Variants in KIRREL3 observed in about 807,000 individuals in gnomAD.
The protein encoded by KIRREL3 is kin of IRRE-like protein 3.
KIRREL3 carries 36 observed loss-of-function variants against 89.7 expected under a neutral mutation model. The ratio of observed to expected loss-of-function variants is 0.40; its 90% CI spans 0.31 to 0.53. KIRREL3 has a LOEUF of 0.53. KIRREL3 is among the 20% of genes least tolerant of loss of function. The pLI is 0.49. For synonymous variants in KIRREL3, 445 were observed against 441.4 expected, an observed-to-expected ratio of 1.01 and a Z score of -0.10; for missense variants, 864 against 1,056.6, an observed-to-expected ratio of 0.82 and a Z score of 2.53.
intron 1 of KIRREL3, among the ~76,000 whole-genome samples, chr11:126,741,976 C>T (rs753438547): frequency 1.3e-5 from 2 of 152,190 alleles, no homozygotes; most frequent in Admixed American, 6.5e-5. Flanking sequence ...CAGCATTTCA[C>T]TAGCAGAGAA....
Position 126,916,196 on chromosome 11 carries a change from A to G in KIRREL3, c.55+84259T>C, listed in dbSNP as rs185648508. Reference sequence around the variant, plus strand: ...ATGAGCCCAGATATGGAATAACTTAAGATCTTATGGCTGGTCAGTGGTAAA... The same window carrying G: ...ATGAGCCCAGATATGGAATAACTTAGGATCTTATGGCTGGTCAGTGGTAAA... On this transcript the variant is annotated intron_variant, in intron 1 of 16. Transcript: ENST00000525144. Among the ~76,000 whole-genome samples, 3 of 152,346 alleles carry G rather than the reference A, an allele frequency of 2.0e-5. No individual in the cohort carries two copies. In the East Asian group the frequency reaches 5.8e-4, roughly 29 times the overall value.
chr11:126,770,286 T>C (rs77767485), intron 1 of KIRREL3, among the ~76,000 whole-genome samples: 7,288 of 152,220 alleles, frequency 0.048, 243 homozygotes, highest in Middle Eastern at 0.088. Flanking sequence ...AGATCATAAA[T>C]TGATTTTCAC....
chr11:126,546,140 T>C (rs2134511492), intron 2 of KIRREL3, among the ~76,000 whole-genome samples: 1 of 152,360 alleles, frequency 6.6e-6, no homozygotes, highest in South Asian at 2.1e-4. Flanking sequence ...GATTGGCACA[T>C]AGTAGATGTT....
chr11:126,833,068 T>A (rs978906191), intron 1 of KIRREL3, among the ~76,000 whole-genome samples: 5 of 152,188 alleles, frequency 3.3e-5, no homozygotes, highest in Non-Finnish European at 7.3e-5. Context: ...ACTGCTGTTA[T>A]CCTCATAATA....
At chr11:126,433,262 G>A (rs1189487906) in intron 13 of KIRREL3, among the ~76,000 whole-genome samples, 2 of 152,194 alleles carry the variant, frequency 1.3e-5, no homozygotes, top group Non-Finnish European at 2.9e-5. Context: ...GTCAGTGTGG[G>A]CGAGTGGGGA....
In KIRREL3 at chr11:126,449,025, G is replaced by A; in HGVS notation, c.981C>T (p.Arg327=). 4.3e-6 allele frequency: 7 copies of A among 1,612,386 alleles called. No homozygotes were observed. Among genetic ancestry groups the A allele is most frequent in the Non-Finnish European group, 4.2e-6 (5 of 1,178,652 alleles). The change falls in exon 8 of 17, where the codon CGC becomes CGT. Residue 327 remains arginine (R), a synonymous_variant. Coordinates refer to ENST00000525144, the MANE Select transcript of KIRREL3 (RefSeq NM_032531.4). ...TNALGSTNLS[R]TVDVYFGPRM... is the part of the protein sequence containing the mutation. ...TGCACTCACAGTAGACGTCAACCGT[G>A]CGGCTGAGGTTGGTGCTGCCCAGGG...
intron 4 of KIRREL3, among the ~76,000 whole-genome samples, chr11:126,512,068 TG>T (rs994964253): frequency 6.6e-6 from 1 of 152,224 alleles, no homozygotes; most frequent in African/African-American, 2.4e-5. Context: ...GCTCTGGCTC[TG>T]TTCCTCCTCC....
intron 1 of KIRREL3, among the ~76,000 whole-genome samples, chr11:126,800,355 T>C (rs989969516): frequency 6.6e-6 from 1 of 152,158 alleles, no homozygotes. Flanking sequence ...TGGGGAAAGA[T>C]AGGTTCTCAC....
In KIRREL3 at chr11:126,475,781, G is replaced by T. The variant is rs1253060069; in HGVS notation, c.434-2315C>A. Among the ~76,000 whole-genome samples the T allele has an allele frequency of 1.3e-5, 2 of 152,256 alleles. No individual in the cohort carries two copies. The highest frequency in any genetic ancestry group is 2.9e-5 in the Non-Finnish European group (2 of 68,044). On this transcript the variant is annotated intron_variant, in intron 4 of 16. Coordinates refer to ENST00000525144, the MANE Select transcript of KIRREL3 (RefSeq NM_032531.4). This position sits in a 1 kb window ranked among gnomAD's most constrained non-coding sequence, Gnocchi z 7.5. Reference sequence around the variant, plus strand: ...GAGGCGGCTCAGGGCTTTCCACCAAGTGGGGGTGGGTGCAACCACTTGTGG... The same window carrying T: ...GAGGCGGCTCAGGGCTTTCCACCAATTGGGGGTGGGTGCAACCACTTGTGG...
chr11:126,919,961 T>C (rs1947203347), intron 1 of KIRREL3, among the ~76,000 whole-genome samples: 1 of 152,196 alleles, frequency 6.6e-6, no homozygotes, highest in East Asian at 1.9e-4. Flanking sequence ...GCTAATTGTG[T>C]GCCATTTATT....
At position 126,703,138 on chromosome 11, in the gene KIRREL3, G is replaced by A. The variant is rs1211598632; in HGVS notation, c.56-140226C>T. 1.3e-5 allele frequency among the ~76,000 whole-genome samples: 2 copies of A among 152,226 alleles called. No homozygotes were observed. Among genetic ancestry groups the A allele is most frequent in the African/African-American group, 2.4e-5 (1 of 41,460 alleles). On this transcript the variant is annotated intron_variant, in intron 1 of 16. Transcript: ENST00000525144. The surrounding 1 kb of genome is among the most constrained non-coding windows in gnomAD (Gnocchi z 4.6). ...GGTGGGGGTGGCTGGGCTGGGGCAGGAGACACTGTAAAGAGCCAGTAGGCC... is the reference window on the plus strand; with the variant it reads ...GGTGGGGGTGGCTGGGCTGGGGCAGAAGACACTGTAAAGAGCCAGTAGGCC...
At chr11:126,670,018 C>T (rs1053996831) in intron 1 of KIRREL3, among the ~76,000 whole-genome samples, 4 of 152,152 alleles carry the variant, frequency 2.6e-5, no homozygotes, top group Admixed American at 2.0e-4. Context: ...TTCCTTCTCC[C>T]AGCACATTCC....
In KIRREL3 at chr11:126,538,129, G is replaced by A. The variant is rs113898190; in HGVS notation, c.134-11442C>T. On this transcript the variant is annotated intron_variant, in intron 2 of 16. Transcript: ENST00000525144. ...CATTAGAAACCTGCATGGGTGGTGC[G>A]GGAGACAGTGGGTGAGCCCTCCCAT... 7.3e-4 allele frequency among the ~76,000 whole-genome samples: 109 copies of A among 149,438 alleles called. 2 individuals carry two copies. The highest frequency in any genetic ancestry group is 4.1e-3 in the South Asian group (19 of 4,636).
chr11:126,786,445 A>T (rs78754314), intron 1 of KIRREL3, among the ~76,000 whole-genome samples: 5,666 of 152,278 alleles, frequency 0.037, 340 homozygotes, highest in African/African-American at 0.13. Flanking sequence ...TGTTTCCTAA[A>T]GCAATTAATA....
rs1229773425 is a variant in KIRREL3, at chr11:126,989,699, GACGAAGTCTTAGGGCCAACAGGGGA to G, written c.55+10731_55+10755del. 1.3e-5 allele frequency among the ~76,000 whole-genome samples: 2 copies of G among 152,292 alleles called. No individual in the cohort carries two copies. Among genetic ancestry groups the G allele is most frequent in the East Asian group, 1.9e-4 (1 of 5,160 alleles). ...TCCCCTTGGAGGTAAAGAAAGGCAT[GACGAAGTCTTAGGGCCAACAGGGGA>G]ACGAAGTCTTAGGGCCAACAGGGTT... On this transcript the variant is annotated intron_variant, in intron 1 of 16. Coordinates refer to ENST00000525144, the MANE Select transcript of KIRREL3 (RefSeq NM_032531.4). The surrounding 1 kb of genome is among the most constrained non-coding windows in gnomAD (Gnocchi z 6.2).
In KIRREL3 at chr11:126,607,782, G is replaced by A. The variant is rs556820634; in HGVS notation, c.56-44870C>T. On this transcript the variant is annotated intron_variant, in intron 1 of 16. Coordinates refer to ENST00000525144, the MANE Select transcript of KIRREL3 (RefSeq NM_032531.4). The surrounding 1 kb of genome is among the most constrained non-coding windows in gnomAD (Gnocchi z 6.6). Reference sequence around the variant, plus strand: ...AGTCCTAATGATTTGCTGAAGGGCCGAGTTGCTTAGCCCTGCAGGGTACAC... The same window carrying A: ...AGTCCTAATGATTTGCTGAAGGGCCAAGTTGCTTAGCCCTGCAGGGTACAC... Among the ~76,000 whole-genome samples the A allele has an allele frequency of 3.9e-5, 6 of 152,274 alleles. No individual in the cohort carries two copies. The South Asian group carries it at 1.2e-3, about 32-fold the overall frequency.
At chr11:126,866,811 C>G (rs531487513) in intron 1 of KIRREL3, among the ~76,000 whole-genome samples, 43 of 152,236 alleles carry the variant, frequency 2.8e-4, no homozygotes, top group African/African-American at 9.6e-4. Flanking sequence ...AGAGTCTGAC[C>G]ACTGCGTGGC....
Position 126,686,515 on chromosome 11 carries a change from G to A in KIRREL3, c.56-123603C>T, listed in dbSNP as rs910308296. On this transcript the variant is annotated intron_variant, in intron 1 of 16. Coordinates refer to ENST00000525144, the MANE Select transcript of KIRREL3 (RefSeq NM_032531.4). The surrounding 1 kb of genome is among the most constrained non-coding windows in gnomAD (Gnocchi z 4.7). ...ATAGGGTCAGTGCTGGCCACTGAGC[G>A]GGGAGGGTGGGGAGGGACTGTGCGT... 2.6e-5 allele frequency among the ~76,000 whole-genome samples: 4 copies of A among 152,156 alleles called. No homozygotes were observed. The highest frequency in any genetic ancestry group is 2.1e-4 in the South Asian group (1 of 4,810).
At chr11:126,546,063 T>A (rs975393263) in intron 2 of KIRREL3, among the ~76,000 whole-genome samples, 2 of 152,210 alleles carry the variant, frequency 1.3e-5, no homozygotes, top group Admixed American at 1.3e-4. Flanking sequence ...AATGAAGTGA[T>A]GTGTGTAAAG....
Sources: allele counts gnomAD v4.1 joint callset (sites outside exome capture counted in the v4.1 genomes callset), GRCh38; gene constraint gnomAD v4.1.1; non-coding constraint Gnocchi (gnomAD v3.1); transcripts MANE v1.5; gene names NCBI Gene and HGNC (gene_info 2026-07-23, HGNC 2026-07-21).